The following NELL1 variants were observed in gnomAD, a reference collection of about 807,000 sequenced individuals.
The protein encoded by NELL1 is neural EGFL like 1.
Under a neutral mutation model 107.4 loss-of-function variants are expected in NELL1, and 76 were observed. The ratio of observed to expected loss-of-function variants is 0.71; its 90% CI spans 0.59 to 0.86. The LOEUF is 0.86. Ranked by LOEUF, NELL1 falls within the 40% of genes least tolerant of loss-of-function variation. NELL1 has a pLI of 0.00. For missense variants in NELL1, 1,024 were observed against 1,005.5 expected (o/e 1.02, Z -0.25); for synonymous variants, 353 against 341.2 (o/e 1.03, Z -0.38).
chr11:21,084,314 G>A (rs1414446716), intron 12 of NELL1, among the ~76,000 whole-genome samples: 1 of 152,072 alleles, frequency 6.6e-6, no homozygotes, highest in African/African-American at 2.4e-5. Flanking sequence ...TTTAATTGCT[G>A]TAAAATAGAC....
At chr11:21,184,851 A>G (rs1024759218) in intron 13 of NELL1, among the ~76,000 whole-genome samples, 2 of 151,884 alleles carry the variant, frequency 1.3e-5, no homozygotes, top group Non-Finnish European at 2.9e-5. Flanking sequence ...TAGTGAATCA[A>G]CTTGTGAATT....
At chr11:21,129,556 A>G (rs1253826163) in intron 13 of NELL1, among the ~76,000 whole-genome samples, 1 of 152,202 alleles carries the variant, frequency 6.6e-6, no homozygotes, top group African/African-American at 2.4e-5. Flanking sequence ...ACAGACATAT[A>G]ATGGAATATT....
chr11:21,281,552 G>C (rs1169415418), intron 14 of NELL1, among the ~76,000 whole-genome samples: 4 of 152,120 alleles, frequency 2.6e-5, no homozygotes, highest in African/African-American at 9.7e-5. Context: ...AGGGCCTTGA[G>C]TGAACTTAGG....
intron 13 of NELL1, among the ~76,000 whole-genome samples, chr11:21,132,682 A>C (rs1012570394): frequency 6.6e-6 from 1 of 152,148 alleles, no homozygotes; most frequent in East Asian, 1.9e-4. Context: ...AGAGCCCCAA[A>C]GAAGATGCTA....
At chr11:21,326,083 G>A (rs1217226495) in intron 14 of NELL1, among the ~76,000 whole-genome samples, 2 of 6,624 alleles carry the variant, frequency 3.0e-4, no homozygotes, top group East Asian at 3.8e-3. Flanking sequence ...TTTTTTTTTG[G>A]GCTATTTTGA....
chr11:21,174,368 C>T (rs1856668882), intron 13 of NELL1, among the ~76,000 whole-genome samples: 2 of 151,744 alleles, frequency 1.3e-5, no homozygotes, highest in Admixed American at 1.3e-4. Flanking sequence ...AAGCTTTTTC[C>T]CCCATTCTCC....
intron 2 of NELL1, among the ~76,000 whole-genome samples, chr11:20,727,226 G>C (rs1242432564): frequency 1.3e-5 from 2 of 152,168 alleles, no homozygotes; most frequent in Non-Finnish European, 2.9e-5. Context: ...GTGTAAAAGT[G>C]TTCCTATTTC....
chr11:21,492,145 T>A (rs1316161448), intron 15 of NELL1, among the ~76,000 whole-genome samples: 1 of 151,950 alleles, frequency 6.6e-6, no homozygotes, highest in African/African-American at 2.4e-5. Context: ...CATGAAAAAA[T>A]GCTCACCATC....
chr11:21,032,912 T>G (rs1852999396), intron 12 of NELL1, among the ~76,000 whole-genome samples: 1 of 152,238 alleles, frequency 6.6e-6, no homozygotes, highest in Non-Finnish European at 1.5e-5. Flanking sequence ...GTTGCATCTG[T>G]GAGAAGTTTC....
chr11:20,842,557 C>T (rs1458542582), intron 3 of NELL1, among the ~76,000 whole-genome samples: 1 of 152,080 alleles, frequency 6.6e-6, no homozygotes, highest in Non-Finnish European at 1.5e-5. Context: ...ACTGTTTTGT[C>T]CTCTGACTCT....
At chr11:21,568,865 A>G (rs1360438219) in intron 17 of NELL1, among the ~76,000 whole-genome samples, 2 of 79,626 alleles carry the variant, frequency 2.5e-5, no homozygotes, top group East Asian at 3.4e-4. Flanking sequence ...TGTTTTAGTT[A>G]TCTCTTTTTT....
At chr11:21,504,609 A>G (rs1855234413) in intron 15 of NELL1, among the ~76,000 whole-genome samples, 2 of 152,168 alleles carry the variant, frequency 1.3e-5, no homozygotes, top group Non-Finnish European at 2.9e-5. Context: ...CTTGGTTTTT[A>G]AAATTTCTTA....
chr11:21,403,079 A>G lies in NELL1; in HGVS notation c.1645+32131A>G, dbSNP rs1363158652. ...AGGGCACTGTTTGCTGCTGAGGTGG[A>G]TGTTACATTGTATAAAATTGTTTTG... On this transcript the variant is annotated intron_variant, in intron 15 of 19. Coordinates refer to ENST00000357134, the MANE Select transcript of NELL1 (RefSeq NM_006157.5). 3.3e-5 allele frequency among the ~76,000 whole-genome samples: 5 copies of G among 151,860 alleles called. No individual in the cohort carries two copies. The East Asian group carries it at 7.8e-4, about 24-fold the overall frequency.
At chr11:21,468,166 C>T (rs1349919947) in intron 15 of NELL1, among the ~76,000 whole-genome samples, 1 of 151,998 alleles carries the variant, frequency 6.6e-6, no homozygotes, top group Non-Finnish European at 1.5e-5. Context: ...GTTTATTATT[C>T]CACAGGATAT....
intron 13 of NELL1, among the ~76,000 whole-genome samples, chr11:21,148,736 A>C (rs1261304481): frequency 6.6e-6 from 1 of 152,160 alleles, no homozygotes; most frequent in Non-Finnish European, 1.5e-5. Context: ...ATTTTACTTG[A>C]GATATTTTCT....
intron 2 of NELL1, among the ~76,000 whole-genome samples, chr11:20,706,276 A>G (rs948189630): frequency 2.6e-5 from 4 of 152,176 alleles, no homozygotes; most frequent in African/African-American, 9.7e-5. Flanking sequence ...CCTAATGTTC[A>G]AGAATGATAG....
At chr11:21,210,819 C>G (rs1857482664) in intron 13 of NELL1, among the ~76,000 whole-genome samples, 1 of 152,072 alleles carries the variant, frequency 6.6e-6, no homozygotes, top group East Asian at 1.9e-4. Flanking sequence ...CATTTTTAAG[C>G]TCTTCTCTTT....
intron 5 of NELL1, among the ~76,000 whole-genome samples, chr11:20,910,064 G>A (rs964675530): frequency 1.3e-5 from 2 of 152,136 alleles, no homozygotes; most frequent in African/African-American, 4.8e-5. Flanking sequence ...TTACTCATAT[G>A]CCTGTAGCTG....
chr11:20,867,383 A>G (rs1849115197), intron 4 of NELL1, among the ~76,000 whole-genome samples: 1 of 152,192 alleles, frequency 6.6e-6, no homozygotes, highest in Admixed American at 6.5e-5. Context: ...GCAGTCAGCA[A>G]ATGTTAATTA....
Sources: allele counts gnomAD v4.1 joint callset (sites outside exome capture counted in the v4.1 genomes callset), GRCh38; gene constraint gnomAD v4.1.1; transcripts MANE v1.5; gene names NCBI Gene and HGNC (gene_info 2026-07-23, HGNC 2026-07-21).